The following KSR2 variants were observed in gnomAD, a reference collection of about 807,000 sequenced individuals.
KSR2 encodes the protein kinase suppressor of ras 2.
KSR2 carries 25 observed loss-of-function variants against 107.8 expected under a neutral mutation model. The ratio of observed to expected loss-of-function variants is 0.23; its 90% CI spans 0.17 to 0.32. The LOEUF is 0.32. Among genes scored for constraint, KSR2 ranks in the 10% least tolerant of loss-of-function variants. The pLI is 1.00. For missense variants in KSR2, 887 were observed against 1,268.9 expected (o/e 0.70, Z 4.57); for synonymous variants, 480 against 507.0 (o/e 0.95, Z 0.71).
At chr12:117,908,043 A>G (rs1033732605) in intron 1 of KSR2, among the ~76,000 whole-genome samples, 4 of 152,218 alleles carry the variant, frequency 2.6e-5, no homozygotes, top group African/African-American at 9.7e-5. Flanking sequence ...TGAGGTGGTT[A>G]TTTGCAAGAA....
At chr12:117,634,143 T>G (rs994029945) in intron 5 of KSR2, among the ~76,000 whole-genome samples, 3 of 152,084 alleles carry the variant, frequency 2.0e-5, no homozygotes, top group African/African-American at 7.2e-5. Flanking sequence ...TCAGTTTCTA[T>G]CCAAGAGTCA....
At chr12:117,483,579 A>G (rs76087151) in intron 16 of KSR2, among the ~76,000 whole-genome samples, 1 of 152,228 alleles carries the variant, frequency 6.6e-6, no homozygotes, top group African/African-American at 2.4e-5. Context: ...AAGGAGAGAG[A>G]GTGCAGTCCA....
At chr12:117,559,032 A>G (rs193164207) in intron 7 of KSR2, among the ~76,000 whole-genome samples, 80 of 142,658 alleles carry the variant, frequency 5.6e-4, no homozygotes, top group African/African-American at 2.1e-3. Context: ...GGATAGATGG[A>G]TGGATGGAAG....
intron 5 of KSR2, among the ~76,000 whole-genome samples, chr12:117,583,449 ATG>A (rs1879814206): frequency 6.8e-6 from 1 of 146,786 alleles, no homozygotes; most frequent in South Asian, 2.1e-4. Context: ...GGATGGATGG[ATG>A]GATGGATGGA....
At chr12:117,651,429 T>G (rs1046023924) in intron 5 of KSR2, among the ~76,000 whole-genome samples, 6 of 152,112 alleles carry the variant, frequency 3.9e-5, no homozygotes. Context: ...CTCCAATTTA[T>G]ATAAACAGCA....
At chr12:117,481,544 A>C (rs1872179321) in intron 16 of KSR2, among the ~76,000 whole-genome samples, 1 of 152,210 alleles carries the variant, frequency 6.6e-6, no homozygotes, top group South Asian at 2.1e-4. Flanking sequence ...ATTTGCCAGC[A>C]CCTTGATTTT....
At chr12:117,650,383 A>G (rs1883850084) in intron 5 of KSR2, among the ~76,000 whole-genome samples, 1 of 152,162 alleles carries the variant, frequency 6.6e-6, no homozygotes, top group Admixed American at 6.5e-5. Context: ...GTAAGTTAAT[A>G]TTTAATAAAC....
intron 3 of KSR2, among the ~76,000 whole-genome samples, chr12:117,781,286 T>C (rs1889876768): frequency 6.6e-6 from 1 of 152,214 alleles, no homozygotes; most frequent in Admixed American, 6.5e-5. Flanking sequence ...GTCTCAGGTA[T>C]GTCTTTATTA....
chr12:117,512,367 G>A (rs774714371), intron 14 of KSR2, among the ~76,000 whole-genome samples: 19 of 152,186 alleles, frequency 1.2e-4, no homozygotes, highest in Non-Finnish European at 2.4e-4. Flanking sequence ...GGAATGCTGC[G>A]TCCTCTTCTC....
At chr12:117,499,819 G>A (rs761301255) in intron 14 of KSR2, among the ~76,000 whole-genome samples, 6 of 152,138 alleles carry the variant, frequency 3.9e-5, no homozygotes, top group African/African-American at 7.2e-5. Flanking sequence ...GCAGGCAGAC[G>A]CGTGGTAGGC....
intron 7 of KSR2, among the ~76,000 whole-genome samples, chr12:117,568,085 G>C (rs1374578717): frequency 6.6e-6 from 1 of 152,144 alleles, no homozygotes; most frequent in Non-Finnish European, 1.5e-5. Flanking sequence ...GGGTTCCAAG[G>C]ACATCATGAA....
chr12:117,683,928 C>A (rs904827309), intron 4 of KSR2, among the ~76,000 whole-genome samples: 8 of 152,214 alleles, frequency 5.3e-5, no homozygotes, highest in Non-Finnish European at 1.0e-4. Context: ...TGTAAGTGAA[C>A]ACGTATGACC....
intron 3 of KSR2, among the ~76,000 whole-genome samples, chr12:117,799,223 T>TG (rs1890743110): frequency 6.6e-6 from 1 of 152,220 alleles, no homozygotes; most frequent in African/African-American, 2.4e-5. Context: ...CACAATGGGC[T>TG]GGGCGCGGTG....
intron 3 of KSR2, among the ~76,000 whole-genome samples, chr12:117,773,729 C>G (rs1418312093): frequency 4.6e-5 from 7 of 152,204 alleles, no homozygotes; most frequent in Non-Finnish European, 1.0e-4. Flanking sequence ...AAGAAAAAAA[C>G]TGTTTTTTGG....
At chr12:117,752,731 T>C (rs1385326734) in intron 4 of KSR2, among the ~76,000 whole-genome samples, 6 of 152,248 alleles carry the variant, frequency 3.9e-5, no homozygotes, top group African/African-American at 1.4e-4. Flanking sequence ...ATATATGTGA[T>C]AGGATTCCTT....
rs571314879 is a variant in KSR2, at chr12:117,885,989, A to G, written c.181-25558T>C. ...CGGACGCCTGTAGCCCCAGCTACTC[A>G]GGAGGCTGAGGCAGGAGAATGGCAT... is the stretch of plus-strand genomic sequence containing the variant. On this transcript the variant is annotated intron_variant, in intron 1 of 19. Coordinates refer to ENST00000339824, the MANE Select transcript of KSR2 (RefSeq NM_173598.6). Among the ~76,000 whole-genome samples the G allele has an allele frequency of 7.9e-5, 12 of 152,002 alleles. No individual in the cohort carries two copies. The South Asian group carries it at 2.5e-3, about 32-fold the overall frequency.
At chr12:117,803,561 G>C (rs1253477721) in intron 3 of KSR2, among the ~76,000 whole-genome samples, 4 of 152,048 alleles carry the variant, frequency 2.6e-5, no homozygotes, top group Non-Finnish European at 5.9e-5. Context: ...AAATTAGCCG[G>C]ACGTGGTGGC....
intron 5 of KSR2, among the ~76,000 whole-genome samples, chr12:117,619,473 G>A (rs539856881): frequency 1.8e-4 from 27 of 151,640 alleles, no homozygotes; most frequent in African/African-American, 6.3e-4. Context: ...TTGGTTATTT[G>A]TCCTTGCGAT....
intron 5 of KSR2, among the ~76,000 whole-genome samples, chr12:117,620,319 C>G (rs1244527668): frequency 6.6e-6 from 1 of 152,162 alleles, no homozygotes; most frequent in East Asian, 1.9e-4. Context: ...AAGGGTCTGC[C>G]CCATTGTGGA....
Sources: gnomAD v4.1 joint callset for allele counts (sites outside exome capture counted in the v4.1 genomes callset) on GRCh38, gnomAD v4.1.1 for gene constraint, MANE v1.5 for transcripts, NCBI Gene and HGNC (gene_info 2026-07-23, HGNC 2026-07-21) for gene names.